The following SNX14 variants were observed in gnomAD, a reference collection of about 807,000 sequenced individuals.
SNX14 encodes the protein sorting nexin-14.
Under a neutral mutation model 133.8 loss-of-function variants are expected in SNX14, and 93 were observed. That is an observed-to-expected ratio of 0.70 (90% CI 0.59 to 0.83). The LOEUF (loss-of-function observed/expected upper bound fraction) is 0.83. SNX14 is among the 40% of genes least tolerant of loss of function. The probability of loss-of-function intolerance (pLI) is 0.00; values close to 1 mark genes in which losing one functional copy is unlikely to be tolerated. For synonymous variants in SNX14, 368 were observed against 365.6 expected (o/e 1.01, Z -0.07); for missense variants, 945 against 1,094.9 (o/e 0.86, Z 1.93).
chr6:85,542,558 C>T (rs1784114497), intron 14 of SNX14, among the ~76,000 whole-genome samples: 1 of 151,994 alleles, frequency 6.6e-6, no homozygotes, highest in East Asian at 1.9e-4. Flanking sequence ...CCACGCCCAG[C>T]TAGTTTTTTG....
intron 1 of SNX14, among the ~76,000 whole-genome samples, chr6:85,576,717 C>T (rs1419801873): frequency 6.6e-6 from 1 of 152,108 alleles, no homozygotes; most frequent in African/African-American, 2.4e-5. Flanking sequence ...ATCCTGCTTC[C>T]ATGTGTTTCT....
chr6:85,578,533 A>G (rs1411794330), intron 1 of SNX14, among the ~76,000 whole-genome samples: 1 of 152,206 alleles, frequency 6.6e-6, no homozygotes, highest in Non-Finnish European at 1.5e-5. Context: ...TTCAGTTTTC[A>G]GAATATGAAC....
intron 12 of SNX14, among the ~76,000 whole-genome samples, chr6:85,546,502 G>C (rs536724990): frequency 1.3e-5 from 2 of 152,082 alleles, no homozygotes; most frequent in African/African-American, 4.8e-5. Context: ...CTGTGAAAAA[G>C]TGATATTGAC....
At chr6:85,591,655 A>G (rs1802789756) in intron 1 of SNX14, among the ~76,000 whole-genome samples, 1 of 152,162 alleles carries the variant, frequency 6.6e-6, no homozygotes, top group African/African-American at 2.4e-5. Flanking sequence ...TGGCTCTCCT[A>G]CCTTAGAAAC....
chr6:85,551,574 G>A (rs1008635473), intron 7 of SNX14, among the ~76,000 whole-genome samples: 1 of 152,164 alleles, frequency 6.6e-6, no homozygotes, highest in African/African-American at 2.4e-5. Context: ...GAGAACCTGG[G>A]AAGGAACTTT....
chr6:85,563,026 A>G (rs866738935), intron 6 of SNX14, among the ~76,000 whole-genome samples: 5 of 152,074 alleles, frequency 3.3e-5, no homozygotes, highest in South Asian at 2.1e-4. Context: ...TCCCAGTCTG[A>G]TAAGTAAAAG....
At chr6:85,530,680 T>C (rs894300329) in intron 18 of SNX14, among the ~76,000 whole-genome samples, 23 of 151,628 alleles carry the variant, frequency 1.5e-4, no homozygotes, top group African/African-American at 5.6e-4. Context: ...GAAAAAAGAA[T>C]ACAAAGCTGG....
chr6:85,533,832 T>C (rs767695717), intron 17 of SNX14, 32 bp from the exon 18 acceptor site: 1 of 1,542,402 alleles, frequency 6.5e-7, no homozygotes, highest in Non-Finnish European at 8.9e-7. Context: ...GAATTTAATA[T>C]TCCCAATACC....
intron 17 of SNX14, among the ~76,000 whole-genome samples, chr6:85,534,125 CAG>C (rs1781100350): frequency 6.6e-6 from 1 of 152,138 alleles, no homozygotes; most frequent in Non-Finnish European, 1.5e-5. Context: ...CTGGGAAACA[CAG>C]AGCAAGTAGG....
chr6:85,539,343 T>C (rs765264657), intron 15 of SNX14, among the ~76,000 whole-genome samples: 1 of 152,186 alleles, frequency 6.6e-6, no homozygotes, highest in African/African-American at 2.4e-5. Context: ...AACATTAAAC[T>C]TGTGTTCATG....
At chr6:85,554,412 G>T (rs1788947248) in intron 7 of SNX14, among the ~76,000 whole-genome samples, 1 of 152,068 alleles carries the variant, frequency 6.6e-6, no homozygotes, top group Non-Finnish European at 1.5e-5. Flanking sequence ...AGATTAAGCA[G>T]AGAATGCCAA....
At chr6:85,585,126 A>G (rs1287138356) in intron 1 of SNX14, among the ~76,000 whole-genome samples, 1 of 152,178 alleles carries the variant, frequency 6.6e-6, no homozygotes, top group East Asian at 1.9e-4. Flanking sequence ...TCAGCAAACT[A>G]ACACAGGAAC....
chr6:85,578,316 T>C (rs1366994490), intron 1 of SNX14, among the ~76,000 whole-genome samples: 1 of 152,144 alleles, frequency 6.6e-6, no homozygotes, highest in Non-Finnish European at 1.5e-5. Flanking sequence ...AAAAGCCATA[T>C]AATGGCTTTT....
At chr6:85,526,354 T>C in intron 20 of SNX14, 117 bp from the exon 21 acceptor site, 2 of 677,664 alleles carry the variant, frequency 3.0e-6, no homozygotes, top group East Asian at 3.0e-5. Context: ...TTTAAAATAA[T>C]AACAAAGCAA....
At chr6:85,536,984 T>A in intron 16 of SNX14, 60 bp from the exon 17 acceptor site, 1 of 1,448,176 alleles carries the variant, frequency 6.9e-7, no homozygotes, top group South Asian at 1.4e-5. Flanking sequence ...GTCTAGTTTA[T>A]TGAAAACCAT....
At chr6:85,575,614 T>C (rs1186320743) in intron 1 of SNX14, among the ~76,000 whole-genome samples, 1 of 152,142 alleles carries the variant, frequency 6.6e-6, no homozygotes, top group Non-Finnish European at 1.5e-5. Context: ...AGAAGTAAAA[T>C]TCAAATCAAA....
chr6:85,538,327 A>G (rs1469095745), intron 16 of SNX14, among the ~76,000 whole-genome samples: 1 of 152,130 alleles, frequency 6.6e-6, no homozygotes, highest in Non-Finnish European at 1.5e-5. Flanking sequence ...ACATTTCCCA[A>G]GACATAAAAA....
chr6:85,541,654 T>C (rs1036141681), intron 15 of SNX14, among the ~76,000 whole-genome samples: 1 of 152,206 alleles, frequency 6.6e-6, no homozygotes, highest in Non-Finnish European at 1.5e-5. Flanking sequence ...AAAAAAGTTT[T>C]CTCTAAAACG....
intron 21 of SNX14, among the ~76,000 whole-genome samples, chr6:85,520,170 G>A (rs1776397532): frequency 6.6e-6 from 1 of 151,226 alleles, no homozygotes; most frequent in Admixed American, 6.6e-5. Context: ...GGCCACCCAA[G>A]TAGCTGGGAT....
Sources: gnomAD v4.1 joint callset for allele counts (sites outside exome capture counted in the v4.1 genomes callset) on GRCh38, gnomAD v4.1.1 for gene constraint, MANE v1.5 for transcripts, NCBI Gene and HGNC (gene_info 2026-07-23, HGNC 2026-07-21) for gene names.